KIF13A: variants seen among roughly 807,000 people sequenced by gnomAD.
KIF13A encodes kinesin family member 13A.
Under a neutral mutation model 212.2 loss-of-function variants are expected in KIF13A, and 79 were observed. That is an observed-to-expected ratio of 0.37 (90% CI 0.31 to 0.45). The LOEUF (loss-of-function observed/expected upper bound fraction) is 0.45. KIF13A is among the 20% of genes least tolerant of loss of function. The pLI, the probability that KIF13A is intolerant of heterozygous loss-of-function variation, is 1.00. For synonymous variants in KIF13A, 789 were observed against 808.6 expected (o/e 0.98, Z 0.41); for missense variants, 1,901 against 2,209.0 (o/e 0.86, Z 2.79).
chr6:17,890,790 CTAATAATAATAA>C (rs71536760), intron 3 of KIF13A, among the ~76,000 whole-genome samples: 1 of 139,138 alleles, frequency 7.2e-6, no homozygotes, highest in Non-Finnish European at 1.5e-5. Context: ...CTATGCCCAG[CTAATAATAATAA>C]TAATAATAAT....
At chr6:17,907,299 G>C (rs1343495269) in intron 2 of KIF13A, among the ~76,000 whole-genome samples, 1 of 152,150 alleles carries the variant, frequency 6.6e-6, no homozygotes, top group Non-Finnish European at 1.5e-5. Context: ...GCAGTCTCTG[G>C]CTGGAGCACA....
At chr6:17,889,018 G>A (rs1198473239) in intron 3 of KIF13A, among the ~76,000 whole-genome samples, 1 of 152,074 alleles carries the variant, frequency 6.6e-6, no homozygotes, top group Non-Finnish European at 1.5e-5. Context: ...GTGGCTAAAT[G>A]GCTACTGTAC....
intron 6 of KIF13A, among the ~76,000 whole-genome samples, chr6:17,853,257 T>TG (rs1458185074): frequency 6.6e-6 from 1 of 152,164 alleles, no homozygotes; most frequent in Non-Finnish European, 1.5e-5. Flanking sequence ...GCTACTTAGA[T>TG]GCACACGATC....
chr6:17,847,380 T>C (rs539370033), intron 9 of KIF13A, among the ~76,000 whole-genome samples: 4 of 152,342 alleles, frequency 2.6e-5, no homozygotes, highest in African/African-American at 9.6e-5. Context: ...TCCTTTGTTA[T>C]CAGAGCAGGA....
At chr6:17,831,806 G>A (rs55638258) in intron 12 of KIF13A, among the ~76,000 whole-genome samples, 37,594 of 149,526 alleles carry the variant, frequency 0.25, 5,172 homozygotes, top group South Asian at 0.37. Context: ...TCTCTACTGC[G>A]GAAGGCCTTG....
intron 3 of KIF13A, among the ~76,000 whole-genome samples, chr6:17,894,239 A>G (rs1363592667): frequency 6.6e-6 from 1 of 151,398 alleles, no homozygotes; most frequent in Non-Finnish European, 1.5e-5. Flanking sequence ...TCAAGTGATC[A>G]TCCCACCTCA....
At chr6:17,974,507 C>G (rs1389196041) in intron 2 of KIF13A, among the ~76,000 whole-genome samples, 3 of 152,190 alleles carry the variant, frequency 2.0e-5, no homozygotes, top group Non-Finnish European at 4.4e-5. Flanking sequence ...TACCCCCAGA[C>G]ACTGTGGAGC....
In KIF13A at chr6:17,849,566, T is replaced by A; in HGVS notation, c.718-77A>T. The A allele has an allele frequency of 3.0e-6, 3 of 1,012,054 alleles. No individual in the cohort carries two copies. The highest frequency in any genetic ancestry group is 4.5e-6 in the Non-Finnish European group (3 of 673,676). The allele number at this position is 1,012,054 out of a possible 1,614,324, so 62.7% of individuals were successfully genotyped here. A position where few individuals can be genotyped will look rare whatever the true frequency, so the allele number is the denominator to read the frequency against. ...TGGATATCTACATATATGTTAGCAC[T>A]ATAATTGAGCAATCCATCCCACTCT... On this transcript the variant is annotated intron_variant, in intron 8 of 38. Coordinates refer to ENST00000259711, the MANE Select transcript of KIF13A (RefSeq NM_022113.6). The surrounding 1 kb of genome is among the most constrained non-coding windows in gnomAD (Gnocchi z 5.7).
chr6:17,952,818 T>C (rs559721055), intron 2 of KIF13A, among the ~76,000 whole-genome samples: 26 of 151,570 alleles, frequency 1.7e-4, no homozygotes, highest in African/African-American at 6.1e-4. Context: ...TAGCCCCAGC[T>C]ACTCAGGAGG....
At chr6:17,833,748 C>T (rs1332126643) in intron 12 of KIF13A, among the ~76,000 whole-genome samples, 1 of 148,250 alleles carries the variant, frequency 6.7e-6, no homozygotes, top group African/African-American at 2.5e-5. Flanking sequence ...CCCAGCTACT[C>T]GGGAGGCTAC....
At chr6:17,931,473 TA>T (rs5874614) in intron 2 of KIF13A, among the ~76,000 whole-genome samples, 76,866 of 152,080 alleles carry the variant, frequency 0.51, 20,981 homozygotes, top group Non-Finnish European at 0.62. Context: ...AAAGGTACCC[TA>T]AAAACTCACA....
At chr6:17,859,253 T>A (rs949081447) in intron 4 of KIF13A, among the ~76,000 whole-genome samples, 1 of 152,014 alleles carries the variant, frequency 6.6e-6, no homozygotes, top group Non-Finnish European at 1.5e-5. Flanking sequence ...AGGATGTGTA[T>A]ACTAAAATTG....
Position 17,846,842 on chromosome 6 carries a change from A to G in KIF13A, c.830+2535T>C, listed in dbSNP as rs140899455. Among the ~76,000 whole-genome samples the G allele has an allele frequency of 2.5e-4, 38 of 152,284 alleles. No individual in the cohort carries two copies. In the East Asian group the frequency reaches 7.1e-3, roughly 29 times the overall value. On this transcript the variant is annotated intron_variant, in intron 9 of 38. Coordinates refer to ENST00000259711, the MANE Select transcript of KIF13A (RefSeq NM_022113.6). ...GTATCATCTAGATGCTGCCTGGCAA[A>G]CAGAATGCACAGCCATCCCCACAAG...
intron 4 of KIF13A, among the ~76,000 whole-genome samples, chr6:17,865,797 GT>G (rs1769307311): frequency 6.6e-6 from 1 of 152,184 alleles, no homozygotes; most frequent in Non-Finnish European, 1.5e-5. Flanking sequence ...GGCCATGAGG[GT>G]AATAGACCAC....
chr6:17,825,497 C>T lies in KIF13A; in HGVS notation c.1786+271G>A, dbSNP rs188253357. On this transcript the variant is annotated intron_variant, in intron 16 of 38. Transcript: ENST00000259711. The surrounding 1 kb of genome is among the most constrained non-coding windows in gnomAD (Gnocchi z 4.5). ...GGAATTTTGTCAAAATCATTCAGTA[C>T]TCTAGGCCCGTGGAAATGTCACCAC... Among the ~76,000 whole-genome samples, 1 of 152,246 alleles carries T rather than the reference C, an allele frequency of 6.6e-6. No individual in the cohort carries two copies. Among genetic ancestry groups the T allele is most frequent in the East Asian group, 1.9e-4 (1 of 5,190 alleles).
intron 18 of KIF13A, among the ~76,000 whole-genome samples, 176 bp from the exon 19 acceptor site, chr6:17,805,791 A>G (rs1485387675): frequency 6.6e-6 from 1 of 152,180 alleles, no homozygotes; most frequent in Non-Finnish European, 1.5e-5. Context: ...TTCTATGTAC[A>G]CTCATGCACA....
At chr6:17,974,559 C>G (rs1020864965) in intron 2 of KIF13A, among the ~76,000 whole-genome samples, 1 of 152,090 alleles carries the variant, frequency 6.6e-6, no homozygotes, top group Non-Finnish European at 1.5e-5. Context: ...AGATTCCTAA[C>G]CTACAGAATT....
chr6:17,932,523 C>A (rs1234277708), intron 2 of KIF13A, among the ~76,000 whole-genome samples: 2 of 152,210 alleles, frequency 1.3e-5, no homozygotes, highest in Non-Finnish European at 2.9e-5. Context: ...GCTTCTTGAT[C>A]CTGCCTGTGA....
rs543393861 is a variant in KIF13A at position 17,884,360 on chromosome 6, T to C, written c.160-10923A>G. On this transcript the variant is annotated intron_variant, in intron 3 of 38. Coordinates refer to ENST00000259711, the MANE Select transcript of KIF13A (RefSeq NM_022113.6). Reference sequence around the variant, plus strand: ...CTGATGGACTTCGCTCCCCCATTAATAGCATAGCTACTGCTGTAGAGCGTT... The same window carrying C: ...CTGATGGACTTCGCTCCCCCATTAACAGCATAGCTACTGCTGTAGAGCGTT... 4.9e-4 allele frequency among the ~76,000 whole-genome samples: 74 copies of C among 152,360 alleles called. No individual in the cohort carries two copies. The Middle Eastern group carries it at 0.014, about 28-fold the overall frequency.
Sources: allele counts gnomAD v4.1 joint callset (sites outside exome capture counted in the v4.1 genomes callset), GRCh38; gene constraint gnomAD v4.1.1; non-coding constraint Gnocchi (gnomAD v3.1); transcripts MANE v1.5; gene names NCBI Gene and HGNC (gene_info 2026-07-23, HGNC 2026-07-21).